Variants in TMEM132B observed in about 807,000 individuals in gnomAD.
TMEM132B encodes transmembrane protein 132B.
TMEM132B carries 18 observed loss-of-function variants against 90.8 expected under a neutral mutation model. That is an observed-to-expected ratio of 0.20 (90% CI 0.14 to 0.29). The LOEUF is 0.29. TMEM132B is among the 10% of genes least tolerant of loss of function. The pLI, the probability that TMEM132B is intolerant of heterozygous loss-of-function variation, is 1.00. For missense variants in TMEM132B, 1,096 were observed against 1,326.8 expected (o/e 0.83, Z 2.70); for synonymous variants, 504 against 523.3 (o/e 0.96, Z 0.50).
At chr12:125,637,348 G>A (rs991286033) in intron 5 of TMEM132B, among the ~76,000 whole-genome samples, 3 of 152,178 alleles carry the variant, frequency 2.0e-5, no homozygotes, top group South Asian at 2.1e-4. Context: ...CTTTAGCTTT[G>A]TGAACCCTGA....
In TMEM132B at chr12:125,545,623, T is replaced by C. The variant is rs1467351638; in HGVS notation, c.1293+25998T>C. Among the ~76,000 whole-genome samples, 6 of 152,230 alleles carry C rather than the reference T, an allele frequency of 3.9e-5. No homozygotes were observed. The East Asian group carries it at 1.2e-3, about 29-fold the overall frequency. On this transcript the variant is annotated intron_variant, in intron 4 of 8. Coordinates refer to ENST00000682704, the MANE Select transcript of TMEM132B (RefSeq NM_001366854.1). ...TGTGTGTCACTGTGTACAGTGTGACTGTGATTAAGACGGTTCAACGATAAT... is the reference window on the plus strand; with the variant it reads ...TGTGTGTCACTGTGTACAGTGTGACCGTGATTAAGACGGTTCAACGATAAT...
chr12:125,268,376 GCAA>G (rs1874744725), intron 1 of TMEM132B, among the ~76,000 whole-genome samples: 1 of 152,220 alleles, frequency 6.6e-6, no homozygotes, highest in Non-Finnish European at 1.5e-5. Flanking sequence ...GTTATTCACT[GCAA>G]CCCTGCAGTA....
intron 3 of TMEM132B, among the ~76,000 whole-genome samples, chr12:125,432,521 A>ATG (rs1401549457): frequency 1.3e-5 from 1 of 77,404 alleles, no homozygotes; most frequent in Admixed American, 1.5e-4. Context: ...GTATATATAT[A>ATG]TATATATAGA....
intron 2 of TMEM132B, among the ~76,000 whole-genome samples, chr12:125,373,216 C>T (rs2136273733): frequency 6.6e-6 from 1 of 152,318 alleles, no homozygotes; most frequent in East Asian, 1.9e-4. Flanking sequence ...CAAATGGGAA[C>T]CACACGCCTT....
intron 3 of TMEM132B, among the ~76,000 whole-genome samples, chr12:125,467,969 C>A (rs1881612840): frequency 6.6e-6 from 1 of 151,708 alleles, no homozygotes; most frequent in African/African-American, 2.4e-5. Flanking sequence ...TAATATTATT[C>A]ATTTTATGGA....
At chr12:125,216,119 A>T (rs1354337988) in intron 1 of TMEM132B, among the ~76,000 whole-genome samples, 1 of 152,202 alleles carries the variant, frequency 6.6e-6, no homozygotes, top group Non-Finnish European at 1.5e-5. Flanking sequence ...GCCATAAGAA[A>T]ATACCACACA....
At chr12:125,361,886 C>T (rs934229475) in intron 2 of TMEM132B, among the ~76,000 whole-genome samples, 2 of 152,174 alleles carry the variant, frequency 1.3e-5, no homozygotes, top group Admixed American at 1.3e-4. Context: ...AGATTTTTAC[C>T]TGAGCTGATT....
At chr12:125,387,158 G>A (rs771834167) in intron 2 of TMEM132B, among the ~76,000 whole-genome samples, 53 of 151,510 alleles carry the variant, frequency 3.5e-4, no homozygotes, top group Non-Finnish European at 7.2e-4. Flanking sequence ...GGGGTGGGGC[G>A]GGGAGATGGT....
intron 4 of TMEM132B, among the ~76,000 whole-genome samples, chr12:125,573,409 C>T (rs1384728714): frequency 6.6e-6 from 1 of 152,172 alleles, no homozygotes; most frequent in African/African-American, 2.4e-5. Flanking sequence ...CATTACCCAA[C>T]ACATATTGTT....
intron 4 of TMEM132B, among the ~76,000 whole-genome samples, chr12:125,550,518 C>A (rs545848789): frequency 6.6e-6 from 1 of 152,214 alleles, no homozygotes; most frequent in East Asian, 1.9e-4. Flanking sequence ...TAGTTAGGTA[C>A]TAACATATGT....
At chr12:125,583,207 A>T (rs1593005085) in intron 4 of TMEM132B, among the ~76,000 whole-genome samples, 1 of 152,254 alleles carries the variant, frequency 6.6e-6, no homozygotes, top group East Asian at 1.9e-4. Context: ...AACTATGAAC[A>T]TATATTAGAA....
At chr12:125,357,146 T>C (rs1402659938) in intron 2 of TMEM132B, among the ~76,000 whole-genome samples, 5 of 152,186 alleles carry the variant, frequency 3.3e-5, no homozygotes, top group Admixed American at 3.3e-4. Context: ...ACAATGGCAA[T>C]GAATAAATGA....
rs1186275512 is a variant in TMEM132B, at chr12:125,492,817, A to G, written c.1107-26622A>G. Among the ~76,000 whole-genome samples the G allele has an allele frequency of 6.6e-6, 1 of 152,174 alleles. No homozygotes were observed. The highest frequency in any genetic ancestry group is 1.5e-5 in the Non-Finnish European group (1 of 68,012). On this transcript the variant is annotated intron_variant, in intron 3 of 8. Transcript: ENST00000682704. This position sits in a 1 kb window ranked among gnomAD's most constrained non-coding sequence, Gnocchi z 5.8. The stretch of plus-strand genomic sequence containing the variant: ...TCCAAAATGGGCTGGGCCCTGTGTC[A>G]GGCTCCAGGGATAGACACAGCGCCA...
chr12:125,430,028 A>G (rs979455037), intron 3 of TMEM132B, among the ~76,000 whole-genome samples: 1 of 152,204 alleles, frequency 6.6e-6, no homozygotes, highest in African/African-American at 2.4e-5. Flanking sequence ...GCTAATTGCA[A>G]CTAGTCCTTG....
At chr12:125,314,636 C>T (rs1157166308) in intron 1 of TMEM132B, among the ~76,000 whole-genome samples, 1 of 152,222 alleles carries the variant, frequency 6.6e-6, no homozygotes, top group Middle Eastern at 3.4e-3. Context: ...CAAGAGGTCG[C>T]GAACCCTCGC....
chr12:125,328,276 G>A (rs1375703598), intron 1 of TMEM132B, among the ~76,000 whole-genome samples: 1 of 152,146 alleles, frequency 6.6e-6, no homozygotes. Context: ...AGCCCAGCAC[G>A]GTGCCCTCAC....
intron 1 of TMEM132B, among the ~76,000 whole-genome samples, chr12:125,206,589 G>A (rs148070029): frequency 1.4e-4 from 22 of 152,192 alleles, no homozygotes; most frequent in Admixed American, 2.0e-4. Context: ...CCTGGACAGC[G>A]TGCTTGGTGT....
At chr12:125,335,756 G>T (rs909656061) in intron 1 of TMEM132B, among the ~76,000 whole-genome samples, 1 of 152,220 alleles carries the variant, frequency 6.6e-6, no homozygotes, top group Non-Finnish European at 1.5e-5. Flanking sequence ...GGCAGCTGAG[G>T]TGAGAGGATC....
In TMEM132B at chr12:125,498,085, C is replaced by T. The variant is rs1398185027; in HGVS notation, c.1107-21354C>T. On this transcript the variant is annotated intron_variant, in intron 3 of 8. Transcript: ENST00000682704. The surrounding 1 kb of genome is among the most constrained non-coding windows in gnomAD (Gnocchi z 4.5). ...TAGCAATTAAATGATCAGTCCAGACCTGACACACGCTGCTTTATTTACCAC... is the reference window on the plus strand; with the variant it reads ...TAGCAATTAAATGATCAGTCCAGACTTGACACACGCTGCTTTATTTACCAC... Among the ~76,000 whole-genome samples the T allele has an allele frequency of 6.6e-6, 1 of 152,180 alleles. No individual in the cohort carries two copies. Among genetic ancestry groups the T allele is most frequent in the African/African-American group, 2.4e-5 (1 of 41,440 alleles).
Sources: allele counts gnomAD v4.1 joint callset (sites outside exome capture counted in the v4.1 genomes callset), GRCh38; gene constraint gnomAD v4.1.1; non-coding constraint Gnocchi (gnomAD v3.1); transcripts MANE v1.5; gene names NCBI Gene and HGNC (gene_info 2026-07-23, HGNC 2026-07-21).